Variants in LNPK observed in about 807,000 individuals in gnomAD.
The protein encoded by LNPK is endoplasmic reticulum junction formation protein lunapark.
A neutral mutation model predicts 55.2 loss-of-function variants in LNPK; 29 were observed. The ratio of observed to expected loss-of-function variants is 0.53; its 90% CI spans 0.39 to 0.72. The LOEUF (loss-of-function observed/expected upper bound fraction) is 0.72. Among genes scored for constraint, LNPK ranks in the 30% least tolerant of loss-of-function variants. LNPK has a pLI of 0.00. For synonymous variants in LNPK, 162 were observed against 168.2 expected, an observed-to-expected ratio of 0.96 and a Z score of 0.29; for missense variants, 467 against 494.8, an observed-to-expected ratio of 0.94 and a Z score of 0.53.
rs1450166440 is a variant in LNPK, at chr2:175,947,572, C to G, written c.614G>C (p.Gly205Ala). The change falls in exon 9 of 13, where the codon GGT (glycine) becomes GCT (alanine). Residue 205 changes from glycine (G) to alanine (A), a missense_variant. By Grantham distance (60) the Gly-to-Ala change is moderately conservative. Coordinates refer to ENST00000272748, the MANE Select transcript of LNPK (RefSeq NM_030650.3). ...PGPPKDSSAP[G>A]GPPERTVTPA... Reference sequence around the variant, plus strand: ...AGTAACAGTCCTTTCTGGGGGTCCACCAGGGGCAGAACTGTCCTTTGGTGG... The same window carrying G: ...AGTAACAGTCCTTTCTGGGGGTCCAGCAGGGGCAGAACTGTCCTTTGGTGG... 1 of 1,614,026 alleles carries G rather than the reference C, an allele frequency of 6.2e-7. No individual in the cohort carries two copies. The highest frequency in any genetic ancestry group is 8.5e-7 in the Non-Finnish European group (1 of 1,179,970).
chr2:175,989,196 G>T (rs1401977716), intron 4 of LNPK, among the ~76,000 whole-genome samples: 1 of 152,148 alleles, frequency 6.6e-6, no homozygotes, highest in East Asian at 1.9e-4. Flanking sequence ...TGCTACTTGT[G>T]GGGAGAGAGA....
Position 175,928,755 on chromosome 2 carries a change from G to C in LNPK, c.*1212C>G, listed in dbSNP as rs924933943. 1.3e-5 allele frequency: 2 copies of C among 151,758 alleles called. No individual in the cohort carries two copies. The highest frequency in any genetic ancestry group is 2.9e-5 in the Non-Finnish European group (2 of 67,932). 9.4% of individuals were successfully genotyped at this position (151,758 alleles called of 1,614,324 possible). A position where few individuals can be genotyped will look rare whatever the true frequency, so the allele number is the denominator to read the frequency against. On this transcript the variant is annotated 3_prime_UTR_variant, in exon 13 of 13. Transcript: ENST00000272748. The stretch of plus-strand genomic sequence containing the variant: ...AACAGATAAGCACACTGTATTAAAG[G>C]TCCAAGAATTAGCACTGAGACACAT...
intron 8 of LNPK, among the ~76,000 whole-genome samples, chr2:175,963,477 T>A (rs1686170176): frequency 1.3e-5 from 2 of 152,078 alleles, no homozygotes; most frequent in Non-Finnish European, 1.5e-5. Context: ...ACACTGCATA[T>A]TCTCACTCAT....
At chr2:175,989,398 A>G (rs1442389147) in intron 4 of LNPK, among the ~76,000 whole-genome samples, 1 of 152,196 alleles carries the variant, frequency 6.6e-6, no homozygotes, top group African/African-American at 2.4e-5. Context: ...ATATCTTATG[A>G]TGATGATCAG....
intron 11 of LNPK, 62 bp from the exon 12 acceptor site, chr2:175,937,576 A>C: frequency 8.4e-7 from 1 of 1,196,242 alleles, no homozygotes. Flanking sequence ...AGAACTAATT[A>C]GTTAACTCAC....
At chr2:175,963,323 T>TG (rs1188062572) in intron 8 of LNPK, among the ~76,000 whole-genome samples, 1 of 151,904 alleles carries the variant, frequency 6.6e-6, no homozygotes, top group Non-Finnish European at 1.5e-5. Context: ...CAACAATGAT[T>TG]GACTGGATTA....
chr2:175,994,914 ATTTTTTT>A (rs35432943), intron 2 of LNPK, among the ~76,000 whole-genome samples: 153 of 88,512 alleles, frequency 1.7e-3, no homozygotes, highest in African/African-American at 5.6e-3. Flanking sequence ...CTTGTATAGA[ATTTTTTT>A]TTTTTTTTTT....
intron 5 of LNPK, among the ~76,000 whole-genome samples, chr2:175,978,974 T>C (rs1414899098): frequency 1.3e-5 from 2 of 152,178 alleles, no homozygotes; most frequent in Non-Finnish European, 2.9e-5. Context: ...GATAGTCATA[T>C]ATTAATATTT....
At chr2:175,930,507 T>C (rs532891800) in intron 12 of LNPK, among the ~76,000 whole-genome samples, 1 of 152,208 alleles carries the variant, frequency 6.6e-6, no homozygotes, top group South Asian at 2.1e-4. Flanking sequence ...AAAGTTGAAG[T>C]CCAAAAATCA....
upstream of LNPK, chr2:176,002,274 G>A (rs1231523188): frequency 4.5e-6 from 2 of 445,780 alleles, no homozygotes; most frequent in African/African-American, 2.1e-5. Flanking sequence ...AGACAAGCCG[G>A]GCCAACTCCT....
intron 5 of LNPK, among the ~76,000 whole-genome samples, chr2:175,973,290 A>T (rs1365244646): frequency 6.6e-6 from 1 of 152,180 alleles, no homozygotes; most frequent in Non-Finnish European, 1.5e-5. Context: ...TGACAATAAA[A>T]CTTTGCCATT....
At chr2:175,931,856 T>C (rs893651609) in intron 12 of LNPK, among the ~76,000 whole-genome samples, 2 of 152,148 alleles carry the variant, frequency 1.3e-5, no homozygotes, top group Non-Finnish European at 2.9e-5. Context: ...GGCAAACAAG[T>C]TATCCGTGGA....
intron 4 of LNPK, among the ~76,000 whole-genome samples, chr2:175,987,166 T>C (rs1232181042): frequency 1.3e-5 from 2 of 152,150 alleles, no homozygotes; most frequent in Non-Finnish European, 2.9e-5. Flanking sequence ...AGCCATCCCA[T>C]TACTGGGTAT....
In LNPK at chr2:175,951,609, A is replaced by ATC. The variant is rs1553501593; in HGVS notation, c.494-3919_494-3918dup. Among the ~76,000 whole-genome samples the ATC allele has an allele frequency of 3.6e-5, 5 of 137,314 alleles. No homozygotes were observed. The East Asian group carries it at 8.1e-4, about 22-fold the overall frequency. The allele number at this position is 137,314 out of a possible 152,430, so 90.1% of individuals were successfully genotyped here. ...CATATATATATATATATATATATAT[A>ATC]TCTCAGTTTCTTTATCCACTCATTG... is the stretch of plus-strand genomic sequence containing the variant. On this transcript the variant is annotated intron_variant, in intron 8 of 12. Transcript: ENST00000272748.
intron 12 of LNPK, among the ~76,000 whole-genome samples, chr2:175,933,996 G>A (rs1305428979): frequency 6.6e-6 from 1 of 152,148 alleles, no homozygotes; most frequent in East Asian, 1.9e-4. Context: ...CCAAAGTGCT[G>A]GGATTACAGG....
rs1684185935 is a variant in LNPK at position 175,929,979 on chromosome 2, CAA to C, written c.1273_1274del (p.Leu425AspfsTer51). On this transcript the variant is annotated frameshift_variant, in exon 13 of 13. Transcript: ENST00000272748. LOFTEE classifies it high-confidence loss of function. ...GTGGAAGCATTTACTACTCTGCCGT[CAA>C]AGATTCTCCACTTAGTTCAGGATCA... The part of the protein sequence containing the change: ...IPDPELSGES[L>X]TAE The C allele has an allele frequency of 6.2e-7, 1 of 1,613,838 alleles. No homozygotes were observed. The highest frequency in any genetic ancestry group is 1.7e-5 in the Admixed American group (1 of 59,980).
intron 2 of LNPK, chr2:175,994,226 C>T (rs1455819879): frequency 6.2e-6 from 6 of 974,352 alleles, no homozygotes; most frequent in South Asian, 4.8e-5. Flanking sequence ...CCATATGAAA[C>T]TGACATTTTG....
chr2:175,964,579 ACTT>A lies in LNPK; in HGVS notation c.365_367del (p.Glu122del). ...CGTCTTGTAAGTTTCTTTTTCCATG[ACTT>A]CTTCAAGCTACGAACAAAAATTTCC... On this transcript the variant is annotated inframe_deletion, in exon 7 of 13. Coordinates refer to ENST00000272748, the MANE Select transcript of LNPK (RefSeq NM_030650.3). 1.9e-6 allele frequency: 3 copies of A among 1,600,730 alleles called. No homozygotes were observed. The highest frequency in any genetic ancestry group is 2.6e-6 in the Non-Finnish European group (3 of 1,169,552).
At chr2:175,979,023 AT>A (rs980919854) in intron 5 of LNPK, among the ~76,000 whole-genome samples, 3 of 152,148 alleles carry the variant, frequency 2.0e-5, no homozygotes, top group East Asian at 3.8e-4. Context: ...AACAAATAAA[AT>A]TTTTTTAAAA....
Sources: allele counts gnomAD v4.1 joint callset (sites outside exome capture counted in the v4.1 genomes callset), GRCh38; gene constraint gnomAD v4.1.1; transcripts MANE v1.5; gene names NCBI Gene and HGNC (gene_info 2026-07-23, HGNC 2026-07-21).